Variants in DLG2 observed in about 807,000 individuals in gnomAD.
DLG2 encodes discs large MAGUK scaffold protein 2, also known as disks large homolog 2.
DLG2 carries 45 observed loss-of-function variants against 132.5 expected under a neutral mutation model. That is an observed-to-expected ratio of 0.34 (90% CI 0.27 to 0.44). DLG2 has a LOEUF of 0.44. Among genes scored for constraint, DLG2 ranks in the 20% least tolerant of loss-of-function variants. The pLI is 1.00. For synonymous variants in DLG2, 424 were observed against 419.6 expected (o/e 1.01, Z -0.13); for missense variants, 1,045 against 1,196.9 (o/e 0.87, Z 1.87).
intron 26 of DLG2, among the ~76,000 whole-genome samples, chr11:83,463,998 A>T (rs965175957): frequency 6.6e-6 from 1 of 152,222 alleles, no homozygotes; most frequent in South Asian, 2.1e-4. Flanking sequence ...TGGCATGGAG[A>T]CTGATTCAAC....
chr11:85,053,662 C>T (rs369530221), intron 6 of DLG2, among the ~76,000 whole-genome samples: 26 of 147,636 alleles, frequency 1.8e-4, no homozygotes, highest in Non-Finnish European at 2.7e-4. Context: ...ATTAGCCTGG[C>T]GTGGTGGTGG....
chr11:84,349,022 T>C lies in DLG2; in HGVS notation c.520-97731A>G, dbSNP rs187791024. Among the ~76,000 whole-genome samples, 9 of 152,322 alleles carry C rather than the reference T, an allele frequency of 5.9e-5. No homozygotes were observed. The East Asian group carries it at 1.7e-3, about 29-fold the overall frequency. Reference sequence around the variant, plus strand: ...ATTACCATTGCTTAAGCCACCAATTTGGGGTACTTTGTTTTAGAAGCCTAA... The same window carrying C: ...ATTACCATTGCTTAAGCCACCAATTCGGGGTACTTTGTTTTAGAAGCCTAA... On this transcript the variant is annotated intron_variant, in intron 7 of 27. Transcript: ENST00000376104.
intron 6 of DLG2, among the ~76,000 whole-genome samples, chr11:84,940,867 G>T (rs2049324021): frequency 6.6e-6 from 1 of 152,168 alleles, no homozygotes; most frequent in Non-Finnish European, 1.5e-5. Flanking sequence ...TCTGGAATTA[G>T]TTTGAAGTCT....
At chr11:84,547,245 A>C (rs1045388449) in intron 6 of DLG2, among the ~76,000 whole-genome samples, 2 of 152,182 alleles carry the variant, frequency 1.3e-5, no homozygotes, top group African/African-American at 4.8e-5. Flanking sequence ...AAATTGGAAG[A>C]ATAGAAAAAA....
intron 3 of DLG2, among the ~76,000 whole-genome samples, chr11:85,290,507 C>A (rs1167250859): frequency 6.6e-6 from 1 of 151,538 alleles, no homozygotes; most frequent in Non-Finnish European, 1.5e-5. Context: ...TGAGTCACTG[C>A]AATCCTCTTG....
intron 6 of DLG2, among the ~76,000 whole-genome samples, chr11:84,920,139 A>G (rs2092689222): frequency 2.0e-5 from 3 of 152,202 alleles, no homozygotes; most frequent in African/African-American, 7.2e-5. Context: ...AACAATTTAC[A>G]AAGTGTTAGA....
chr11:84,175,236 T>C (rs928082477), intron 8 of DLG2, among the ~76,000 whole-genome samples: 1 of 152,282 alleles, frequency 6.6e-6, no homozygotes, highest in African/African-American at 2.4e-5. Context: ...GTGGTCTTCC[T>C]CTTGCCAGCT....
chr11:85,239,882 A>G (rs925947451), intron 4 of DLG2, among the ~76,000 whole-genome samples: 1 of 151,976 alleles, frequency 6.6e-6, no homozygotes, highest in Admixed American at 6.6e-5. Flanking sequence ...CAAACTCTAC[A>G]AAATCTGTAA....
chr11:83,968,877 TAGA>T (rs2090765331), intron 12 of DLG2, among the ~76,000 whole-genome samples: 1 of 152,180 alleles, frequency 6.6e-6, no homozygotes, highest in African/African-American at 2.4e-5. Context: ...AATGAATGGA[TAGA>T]AGAATAGACT....
intron 15 of DLG2, among the ~76,000 whole-genome samples, chr11:83,893,030 T>C (rs978072963): frequency 3.9e-5 from 6 of 152,316 alleles, no homozygotes; most frequent in Admixed American, 1.3e-4. Context: ...TGAGTTCAGT[T>C]GAAAAATCTA....
chr11:85,194,772 G>C (rs987070055), intron 4 of DLG2, among the ~76,000 whole-genome samples: 2 of 152,068 alleles, frequency 1.3e-5, no homozygotes, highest in African/African-American at 4.8e-5. Flanking sequence ...GATTGGGATG[G>C]GGGAGTAGCA....
intron 7 of DLG2, among the ~76,000 whole-genome samples, chr11:84,343,302 G>T (rs1450451715): frequency 3.3e-5 from 5 of 152,104 alleles, no homozygotes; most frequent in African/African-American, 1.2e-4. Context: ...ATTTATGATT[G>T]CTATTATAAT....
At chr11:84,771,497 G>T (rs184746119) in intron 6 of DLG2, among the ~76,000 whole-genome samples, 1 of 152,230 alleles carries the variant, frequency 6.6e-6, no homozygotes, top group East Asian at 1.9e-4. Context: ...GTTCCTTCCA[G>T]ATGCTGGATA....
intron 6 of DLG2, among the ~76,000 whole-genome samples, chr11:84,799,644 C>T (rs1047132633): frequency 6.6e-5 from 10 of 152,260 alleles, no homozygotes; most frequent in Non-Finnish European, 1.2e-4. Context: ...CAATTTCTTA[C>T]GTCTAGAGGA....
chr11:85,470,276 C>A (rs553956177), intron 3 of DLG2, among the ~76,000 whole-genome samples: 17 of 150,044 alleles, frequency 1.1e-4, no homozygotes, highest in African/African-American at 3.9e-4. Context: ...AAACAAAAAA[C>A]CCTGGCCCAT....
chr11:85,319,551 T>C (rs1316980417), intron 3 of DLG2, among the ~76,000 whole-genome samples: 3 of 151,830 alleles, frequency 2.0e-5, no homozygotes, highest in African/African-American at 7.2e-5. Flanking sequence ...AGCCTCTTAA[T>C]GTACAGTTTC....
chr11:85,153,298 C>T (rs2077381863), intron 5 of DLG2, among the ~76,000 whole-genome samples: 1 of 152,082 alleles, frequency 6.6e-6, no homozygotes, highest in Admixed American at 6.5e-5. Context: ...AACAAATATG[C>T]CCCATCTCCT....
chr11:83,919,601 T>C (rs890454034), intron 15 of DLG2, among the ~76,000 whole-genome samples: 2 of 152,166 alleles, frequency 1.3e-5, no homozygotes, highest in Non-Finnish European at 2.9e-5. Context: ...GGTCCAGTGG[T>C]CCCTAAATCT....
At chr11:85,464,281 T>C (rs976004268) in intron 3 of DLG2, among the ~76,000 whole-genome samples, 1 of 152,110 alleles carries the variant, frequency 6.6e-6, no homozygotes, top group African/African-American at 2.4e-5. Context: ...GACCACAGCA[T>C]TGCATGAGAG....
Sources: allele counts gnomAD v4.1 joint callset (sites outside exome capture counted in the v4.1 genomes callset), GRCh38; gene constraint gnomAD v4.1.1; transcripts MANE v1.5; gene names NCBI Gene and HGNC (gene_info 2026-07-23, HGNC 2026-07-21).